YWHAZ: variants seen among roughly 807,000 people sequenced by gnomAD.
The protein encoded by YWHAZ is tyrosine 3-monooxygenase/tryptophan 5-monooxygenase activation protein zeta.
For missense variants in YWHAZ, 79 were observed against 284.8 expected (o/e 0.28, Z 5.20); for synonymous variants, 87 against 103.6 (o/e 0.84, Z 0.97).
chr8:100,937,874 T>C (rs571790215), intron 2 of YWHAZ, among the ~76,000 whole-genome samples: 8 of 152,332 alleles, frequency 5.3e-5, no homozygotes, highest in Admixed American at 5.2e-4. Flanking sequence ...CTCATGCCGG[T>C]AATCCCAGCA....
intron 2 of YWHAZ, among the ~76,000 whole-genome samples, chr8:100,927,654 A>AT (rs1240548427): frequency 6.6e-6 from 1 of 152,206 alleles, no homozygotes; most frequent in Non-Finnish European, 1.5e-5. Flanking sequence ...AAGATGTAAA[A>AT]TTTTAAAGCT....
In YWHAZ at chr8:100,924,448, T is replaced by C. The variant is rs1282782739; in HGVS notation, c.419-150A>G. ...ATTGAACAAGGTCCTTTTTTTTTTT[T>C]AAAGGGAGCTTTCTCCTGGTACACA... On this transcript the variant is annotated intron_variant, in intron 3 of 5. Coordinates refer to ENST00000395958, the MANE Select transcript of YWHAZ (RefSeq NM_145690.3). This position sits in a 1 kb window ranked among gnomAD's most constrained non-coding sequence, Gnocchi z 5.7. 8.6e-6 allele frequency: 6 copies of C among 695,766 alleles called. No individual in the cohort carries two copies. The highest frequency in any genetic ancestry group is 1.3e-5 in the Non-Finnish European group (6 of 446,300). The allele number at this position is 695,766 out of a possible 1,614,324, so 43.1% of individuals were successfully genotyped here.
Position 100,917,750 on chromosome 8 carries a change from TACAC to T in YWHAZ, c.*2939_*2942del, listed in dbSNP as rs1563661070. ...AACGAACAAAAAAATTCCAGTACTTTACACACAAAAAGTCATTGGATTTTCCAAT... is the reference window on the plus strand; with the variant it reads ...AACGAACAAAAAAATTCCAGTACTTTACAAAAAGTCATTGGATTTTCCAAT... On this transcript the variant is annotated 3_prime_UTR_variant, in exon 6 of 6. Transcript: ENST00000395958. 6.6e-6 allele frequency: 1 copy of T among 152,090 alleles called. No individual in the cohort carries two copies. The highest frequency in any genetic ancestry group is 2.4e-5 in the African/African-American group (1 of 41,414). 9.4% of individuals were successfully genotyped at this position (152,090 alleles called of 1,614,324 possible).
intron 2 of YWHAZ, among the ~76,000 whole-genome samples, chr8:100,936,546 T>C (rs573662615): frequency 6.6e-6 from 1 of 152,246 alleles, no homozygotes; most frequent in South Asian, 2.1e-4. Flanking sequence ...CCGGGCACGG[T>C]GGCTCACTCC....
upstream of YWHAZ, chr8:100,952,990 G>T: frequency 2.0e-6 from 2 of 1,000,766 alleles, no homozygotes; most frequent in Non-Finnish European, 2.4e-6. Context: ...TGCGCGAGGG[G>T]ACAATGGGTG....
chr8:100,934,114 G>A (rs1009194788), intron 2 of YWHAZ, among the ~76,000 whole-genome samples: 61 of 125,492 alleles, frequency 4.9e-4, no homozygotes, highest in Admixed American at 2.7e-3. Flanking sequence ...AGCTGAGATC[G>A]TGCCAAAGCA....
chr8:100,924,813 G>C lies in YWHAZ; in HGVS notation c.418+103C>G. 1 of 1,443,902 alleles carries C rather than the reference G, an allele frequency of 6.9e-7. No homozygotes were observed. The highest frequency in any genetic ancestry group is 9.4e-7 in the Non-Finnish European group (1 of 1,060,416). 89.4% of individuals were successfully genotyped at this position (1,443,902 alleles called of 1,614,324 possible). A position where few individuals can be genotyped will look rare whatever the true frequency, so the allele number is the denominator to read the frequency against. ...AAAGAGCACTGCTACTCCTTATTCG[G>C]CACTCTAAGCAATTCAAAACAAGAC... On this transcript the variant is annotated intron_variant, in intron 3 of 5. Transcript: ENST00000395958. This position sits in a 1 kb window ranked among gnomAD's most constrained non-coding sequence, Gnocchi z 5.7.
At chr8:100,952,118 G>A (rs1453409955), upstream of YWHAZ, 3 of 986,338 alleles carry the variant, frequency 3.0e-6, no homozygotes, top group Non-Finnish European at 3.6e-6. Context: ...GCACGATGAC[G>A]TCAAACGCTG....
upstream of YWHAZ, chr8:100,953,199 G>T: frequency 4.1e-6 from 4 of 985,088 alleles, no homozygotes; most frequent in Non-Finnish European, 4.8e-6. Context: ...CCCGTTTCTC[G>T]TAGGCTAGGT....
intron 2 of YWHAZ, among the ~76,000 whole-genome samples, chr8:100,934,449 C>T (rs1813992488): frequency 6.6e-6 from 1 of 151,810 alleles, no homozygotes; most frequent in Non-Finnish European, 1.5e-5. Flanking sequence ...CGCCTGTAAT[C>T]CCACACTTTA....
chr8:100,937,418 C>G (rs1221976906), intron 2 of YWHAZ, among the ~76,000 whole-genome samples: 1 of 152,028 alleles, frequency 6.6e-6, no homozygotes, highest in South Asian at 2.1e-4. Flanking sequence ...TGTCTTAAAA[C>G]AGTATTTCAC....
chr8:100,930,936 G>T (rs751222344), intron 2 of YWHAZ, among the ~76,000 whole-genome samples: 1 of 152,126 alleles, frequency 6.6e-6, no homozygotes, highest in Non-Finnish European at 1.5e-5. Context: ...CAAGAAGCCG[G>T]TATCTAATAC....
intron 2 of YWHAZ, among the ~76,000 whole-genome samples, chr8:100,933,677 G>A (rs752361581): frequency 1.3e-4 from 19 of 151,836 alleles, no homozygotes; most frequent in Non-Finnish European, 2.8e-4. Context: ...CTTTTTAACT[G>A]AAGAGAAAAA....
chr8:100,941,547 G>A (rs1470195414), intron 2 of YWHAZ, among the ~76,000 whole-genome samples: 1 of 152,194 alleles, frequency 6.6e-6, no homozygotes, highest in African/African-American at 2.4e-5. Flanking sequence ...CACTTTGGGA[G>A]GCCGGGGTGG....
chr8:100,921,235 T>C (rs1306678799), intron 5 of YWHAZ, among the ~76,000 whole-genome samples: 3 of 152,308 alleles, frequency 2.0e-5, no homozygotes, highest in East Asian at 3.9e-4. Flanking sequence ...GGTTTCACTA[T>C]GTTGGCCAAG....
At position 100,917,843 on chromosome 8, in the gene YWHAZ, G is replaced by A. The variant is rs1363863644; in HGVS notation, c.*2850C>T. The stretch of plus-strand genomic sequence containing the variant: ...TAAAGCCTGGATTTGGGACAATCAA[G>A]GAATAGTTACAAACACATTATTCAA... On this transcript the variant is annotated 3_prime_UTR_variant, in exon 6 of 6. Transcript: ENST00000395958. 1.3e-5 allele frequency: 2 copies of A among 152,156 alleles called. No homozygotes were observed. Among genetic ancestry groups the A allele is most frequent in the African/African-American group, 4.8e-5 (2 of 41,426 alleles). The allele number at this position is 152,156 out of a possible 1,614,324, so 9.4% of individuals were successfully genotyped here.
rs1810454033 is a variant in YWHAZ at position 100,948,255 on chromosome 8, A to G, written c.294+341T>C. ...GTAAAATTCCTTTATCCACAGATGT[A>G]CATTTAAGATAACCAGCTATAGAGC... On this transcript the variant is annotated intron_variant, in intron 2 of 5. Transcript: ENST00000395958. This position sits in a 1 kb window ranked among gnomAD's most constrained non-coding sequence, Gnocchi z 4.2. 8 of 928,366 alleles carry G rather than the reference A, an allele frequency of 8.6e-6. No homozygotes were observed. Among genetic ancestry groups the G allele is most frequent in the Middle Eastern group, 2.5e-4 (1 of 4,014 alleles). The allele number at this position is 928,366 out of a possible 1,614,324, so 57.5% of individuals were successfully genotyped here.
upstream of YWHAZ, chr8:100,952,096 G>C: frequency 1.0e-6 from 1 of 987,122 alleles, no homozygotes; most frequent in Non-Finnish European, 1.2e-6. Flanking sequence ...CCCGGCAGCA[G>C]GGGCACCACA....
chr8:100,944,976 G>A (rs1381930305), intron 2 of YWHAZ, among the ~76,000 whole-genome samples: 2 of 152,034 alleles, frequency 1.3e-5, no homozygotes, highest in Non-Finnish European at 2.9e-5. Flanking sequence ...TATTTCCTTG[G>A]TATTCATTTC....
Sources: gnomAD v4.1 joint callset for allele counts (sites outside exome capture counted in the v4.1 genomes callset) on GRCh38, gnomAD v4.1.1 for gene constraint, Gnocchi (gnomAD v3.1) non-coding constraint, MANE v1.5 for transcripts, NCBI Gene and HGNC (gene_info 2026-07-23, HGNC 2026-07-21) for gene names.